Variants in ENTREP2 observed in about 807,000 individuals in gnomAD.
ENTREP2 encodes endosomal transmembrane epsin interactor 2.
the ENTREP2 span, among the ~76,000 whole-genome samples, chr15:29,445,279 G>A: frequency 6.6e-6 from 1 of 152,178 alleles, no homozygotes. Flanking sequence ...TCTCCAAGGT[G>A]ATGTGTCTTT....
At chr15:29,493,718 G>A in the ENTREP2 span, among the ~76,000 whole-genome samples, 1 of 152,024 alleles carries the variant, frequency 6.6e-6, no homozygotes, top group Admixed American at 6.6e-5. Flanking sequence ...GCTCAGGCCT[G>A]TAATCCCAGC....
At chr15:29,268,739 T>G in the ENTREP2 span, 1 of 1,538,452 alleles carries the variant, frequency 6.5e-7, no homozygotes. Flanking sequence ...TCCTCTAAAC[T>G]GTGCCTTTGG....
the ENTREP2 span, among the ~76,000 whole-genome samples, chr15:29,360,836 G>A: frequency 5.9e-5 from 9 of 152,198 alleles, no homozygotes; most frequent in Non-Finnish European, 1.3e-4. Context: ...GTATGTCCAG[G>A]AAGCACTTCC....
the ENTREP2 span, among the ~76,000 whole-genome samples, chr15:29,472,131 T>C: frequency 6.6e-5 from 10 of 152,146 alleles, no homozygotes; most frequent in African/African-American, 2.4e-4. Context: ...GGAATCATCA[T>C]GAGGCCTCAA....
At chr15:29,277,113 G>A in the ENTREP2 span, among the ~76,000 whole-genome samples, 2 of 152,174 alleles carry the variant, frequency 1.3e-5, no homozygotes, top group Non-Finnish European at 2.9e-5. Flanking sequence ...GGAGGCCGGG[G>A]CAGGCAGATC....
the ENTREP2 span, among the ~76,000 whole-genome samples, chr15:29,423,863 T>G: frequency 1.8e-3 from 279 of 152,266 alleles, 1 homozygote; most frequent in African/African-American, 6.3e-3. Context: ...TAAAAATATA[T>G]CACAGACGTA....
At chr15:29,543,750 G>A in the ENTREP2 span, among the ~76,000 whole-genome samples, 3 of 151,282 alleles carry the variant, frequency 2.0e-5, no homozygotes, top group South Asian at 6.2e-4. Flanking sequence ...CTGCACTCCA[G>A]CCTGGGCAAC....
At chr15:29,440,149 T>C in the ENTREP2 span, among the ~76,000 whole-genome samples, 1 of 152,156 alleles carries the variant, frequency 6.6e-6, no homozygotes, top group Non-Finnish European at 1.5e-5. Context: ...AAATGAAACA[T>C]GGTACCCTGG....
the ENTREP2 span, among the ~76,000 whole-genome samples, chr15:29,401,777 T>C: frequency 1.3e-5 from 2 of 152,204 alleles, no homozygotes; most frequent in East Asian, 1.9e-4. Context: ...GGTATTTACA[T>C]AGAACATGAA....
chr15:29,404,954 C>T, the ENTREP2 span, among the ~76,000 whole-genome samples: 1 of 152,114 alleles, frequency 6.6e-6, no homozygotes, highest in African/African-American at 2.4e-5. Flanking sequence ...CACCCTGGGC[C>T]CCGGCCCCCA....
the ENTREP2 span, among the ~76,000 whole-genome samples, chr15:29,530,933 C>T: frequency 1.3e-5 from 2 of 152,164 alleles, no homozygotes; most frequent in Non-Finnish European, 1.5e-5. Context: ...TCCTTGATCT[C>T]GATCCAGTTA....
At chr15:29,264,526 C>A in the ENTREP2 span, among the ~76,000 whole-genome samples, 7 of 152,170 alleles carry the variant, frequency 4.6e-5, no homozygotes, top group East Asian at 1.3e-3. Flanking sequence ...AATAACACAG[C>A]ATTGCTTCTG....
At chr15:29,224,562 A>C in the ENTREP2 span, among the ~76,000 whole-genome samples, 1 of 152,138 alleles carries the variant, frequency 6.6e-6, no homozygotes, top group Non-Finnish European at 1.5e-5. Flanking sequence ...CCTGAGCTAG[A>C]CACAAAAGTT....
chr15:29,656,538 A>G, the ENTREP2 span, among the ~76,000 whole-genome samples: 1 of 152,202 alleles, frequency 6.6e-6, no homozygotes, highest in African/African-American at 2.4e-5. Flanking sequence ...GTAAATTTTT[A>G]AAGTAGAAGA....
chr15:29,603,723 C>G, the ENTREP2 span, among the ~76,000 whole-genome samples: 1 of 152,144 alleles, frequency 6.6e-6, no homozygotes, highest in South Asian at 2.1e-4. Context: ...ACTGCAACCT[C>G]CGCCGCCCGG....
chr15:29,415,224 C>T, the ENTREP2 span, among the ~76,000 whole-genome samples: 1 of 152,140 alleles, frequency 6.6e-6, no homozygotes, highest in Non-Finnish European at 1.5e-5. Flanking sequence ...ACCAATATCC[C>T]TGATGAACAT....
the ENTREP2 span, among the ~76,000 whole-genome samples, chr15:29,435,723 G>A: frequency 1.8e-4 from 28 of 151,452 alleles, no homozygotes; most frequent in South Asian, 1.3e-3. Context: ...GTGTGTGTGT[G>A]TATATATATA....
At chr15:29,306,664 A>ATTTTTTTTTTTTTTTTTTTT in the ENTREP2 span, among the ~76,000 whole-genome samples, 11 of 77,338 alleles carry the variant, frequency 1.4e-4, 2 homozygotes, top group Non-Finnish European at 2.9e-4. Context: ...ATAATTGGTA[A>ATTTTTTTTTTTTTTTTTTTT]TTTTTTTTTT....
chr15:29,433,743 C>G, the ENTREP2 span, among the ~76,000 whole-genome samples: 17,154 of 147,642 alleles, frequency 0.12, 1,130 homozygotes, highest in East Asian at 0.32. Flanking sequence ...CAAGGGGTCT[C>G]AAGGTCTCTC....
Sources: gnomAD v4.1 joint callset for allele counts (sites outside exome capture counted in the v4.1 genomes callset) on GRCh38, gnomAD v4.1.1 for gene constraint, MANE v1.5 for transcripts, NCBI Gene and HGNC (gene_info 2026-07-23, HGNC 2026-07-21) for gene names.